The following ERCC8 variants were observed in gnomAD, a reference collection of about 807,000 sequenced individuals.
ERCC8 encodes DNA excision repair protein ERCC-8.
In ERCC8, 52 loss-of-function variants were observed where a neutral mutation model predicts 54.9. The ratio of observed to expected loss-of-function variants is 0.95; its 90% CI spans 0.76 to 1.19. The LOEUF is 1.19. Ranked by LOEUF, ERCC8 falls within the 50% of genes most tolerant of loss-of-function variation. The pLI is 0.00. For missense variants in ERCC8, 514 were observed against 466.1 expected (o/e 1.10, Z -0.95); for synonymous variants, 146 against 157.2 (o/e 0.93, Z 0.53).
chr5:60,934,024 C>T lies in ERCC8; in HGVS notation c.78-5065G>A, dbSNP rs184199414. Among the ~76,000 whole-genome samples the T allele has an allele frequency of 1.1e-3, 175 of 152,180 alleles. 1 individual carries two copies. Among genetic ancestry groups the T allele is most frequent in the African/African-American group, 3.9e-3 (161 of 41,526 alleles). ...GGCTGGTTCTATATTTTTGCACTTG[C>T]GAATTGTGCTGTTATAAACATGCAT... On this transcript the variant is annotated intron_variant, in intron 1 of 11. Coordinates refer to ENST00000676185, the MANE Select transcript of ERCC8 (RefSeq NM_000082.4).
intron 3 of ERCC8, among the ~76,000 whole-genome samples, chr5:60,918,941 T>C (rs1402453625): frequency 6.6e-6 from 1 of 151,994 alleles, no homozygotes; most frequent in Non-Finnish European, 1.5e-5. Context: ...TTGAAGACTC[T>C]ATGACGTCAG....
Position 60,922,061 on chromosome 5 carries a change from T to C in ERCC8, c.268A>G (p.Ile90Val). 3 of 1,601,104 alleles carry C rather than the reference T, an allele frequency of 1.9e-6. No homozygotes were observed. The highest frequency in any genetic ancestry group is 1.3e-5 in the African/African-American group (1 of 74,764). ...TACATTTTAAATACATACCTGCCAA[T>C]GGAACACACTGCTTTACATGTGTAA... Reference protein sequence around the residue: ...SYYTCKAVCSIGRDHPDVHRY... With the variant: ...SYYTCKAVCSVGRDHPDVHRY... Residue 90 changes from isoleucine (I) to valine (V), a missense_variant, in exon 3 of 12, where the codon ATT (isoleucine) becomes GTT (valine). Transcript: ENST00000676185.
chr5:60,911,843 T>G (rs1008470209), intron 4 of ERCC8, among the ~76,000 whole-genome samples: 1 of 152,184 alleles, frequency 6.6e-6, no homozygotes, highest in Non-Finnish European at 1.5e-5. Flanking sequence ...ATTTATTAAA[T>G]AGGGAATCCT....
chr5:60,884,517 G>C (rs1748337594), intron 11 of ERCC8, among the ~76,000 whole-genome samples: 1 of 113,354 alleles, frequency 8.8e-6, no homozygotes, highest in Admixed American at 1.0e-4. Context: ...GTATATGTGT[G>C]TATGTGTTTT....
intron 9 of ERCC8, among the ~76,000 whole-genome samples, chr5:60,895,139 C>A (rs1748687574): frequency 6.9e-6 from 1 of 144,244 alleles, no homozygotes; most frequent in Admixed American, 7.1e-5. Context: ...CACTGCCCTC[C>A]AGCCTGGGCA....
chr5:60,943,758 T>G (rs550927309), intron 1 of ERCC8, among the ~76,000 whole-genome samples: 1 of 152,210 alleles, frequency 6.6e-6, no homozygotes, highest in Admixed American at 6.5e-5. Context: ...ACTGCCGCCA[T>G]TTGAGACATT....
At chr5:60,926,929 T>C (rs1385933557) in intron 2 of ERCC8, among the ~76,000 whole-genome samples, 1 of 152,236 alleles carries the variant, frequency 6.6e-6, no homozygotes, top group East Asian at 1.9e-4. Flanking sequence ...CTGATTCCAT[T>C]AACTTTCTAT....
chr5:60,923,605 T>G (rs1749663629), intron 2 of ERCC8, among the ~76,000 whole-genome samples: 1 of 152,108 alleles, frequency 6.6e-6, no homozygotes, highest in Non-Finnish European at 1.5e-5. Flanking sequence ...TTTCAGGTTA[T>G]TTTCACTGTT....
intron 4 of ERCC8, among the ~76,000 whole-genome samples, chr5:60,914,805 A>C (rs1749380787): frequency 6.6e-6 from 1 of 151,432 alleles, no homozygotes; most frequent in African/African-American, 2.4e-5. Flanking sequence ...AAAAAAAAAA[A>C]AAAAGGATAT....
intron 4 of ERCC8, among the ~76,000 whole-genome samples, chr5:60,909,280 C>T (rs1749181233): frequency 2.6e-5 from 1 of 38,198 alleles, no homozygotes; most frequent in Non-Finnish European, 5.1e-5. Flanking sequence ...AAAAAAAAAG[C>T]CACAAAGGAC....
rs1254413135 is a variant in ERCC8 at position 60,885,039 on chromosome 5, A to ACAGG, written c.1122+2400_1122+2401insCCTG. Among the ~76,000 whole-genome samples, 1,287 of 151,792 alleles carry ACAGG rather than the reference A, an allele frequency of 8.5e-3. 24 individuals are homozygous for ACAGG. Among genetic ancestry groups the ACAGG allele is most frequent in the African/African-American group, 0.029 (1,217 of 41,292 alleles). ...CTTTTTTTTTTTCCTTTGAGTCAAG[A>ACAGG]TCTCACTCTGTCACCCAGGCTGGAG... On this transcript the variant is annotated intron_variant, in intron 11 of 11. Transcript: ENST00000676185.
At chr5:60,944,054 ACTTGCTTCTTCC>A in intron 1 of ERCC8, among the ~76,000 whole-genome samples, 1 of 152,296 alleles carries the variant, frequency 6.6e-6, no homozygotes, top group South Asian at 2.1e-4. Flanking sequence ...TAAAAGTACA[ACTTGCTTCTTCC>A]CTTTGGAAAA....
intron 2 of ERCC8, among the ~76,000 whole-genome samples, chr5:60,923,926 T>G (rs1323363791): frequency 6.6e-6 from 1 of 152,136 alleles, no homozygotes; most frequent in Non-Finnish European, 1.5e-5. Context: ...TTTATCGTAG[T>G]CACTGTCTTT....
intron 9 of ERCC8, chr5:60,893,335 A>C (rs1748623327): frequency 1.2e-6 from 1 of 855,904 alleles, no homozygotes; most frequent in African/African-American, 1.7e-5. Flanking sequence ...GGATATCCTC[A>C]CAGTAGCTCT....
chr5:60,881,972 G>T (rs796415108), intron 11 of ERCC8, among the ~76,000 whole-genome samples: 3 of 152,296 alleles, frequency 2.0e-5, no homozygotes, highest in African/African-American at 7.2e-5. Context: ...GCTGCAGACT[G>T]GAGCTGTTCC....
intron 10 of ERCC8, among the ~76,000 whole-genome samples, chr5:60,888,755 T>C (rs1002269251): frequency 6.6e-6 from 1 of 152,122 alleles, no homozygotes; most frequent in African/African-American, 2.4e-5. Flanking sequence ...CATATGAGAG[T>C]AAGTTGCCAA....
rs1747850150 is a variant in ERCC8 at position 60,870,917 on chromosome 5, T to A, written c.*3698A>T. ...GAAACTGTAAGTTTTTACTTTTTTC[T>A]TTTAAACCTCAGTTTACAAGCTTCC... On this transcript the variant is annotated 3_prime_UTR_variant, in exon 12 of 12. Coordinates refer to ENST00000676185, the MANE Select transcript of ERCC8 (RefSeq NM_000082.4). Among the ~76,000 whole-genome samples the A allele has an allele frequency of 6.6e-6, 1 of 152,156 alleles. No homozygotes were observed. The highest frequency in any genetic ancestry group is 2.4e-5 in the African/African-American group (1 of 41,448).
chr5:60,878,584 C>T (rs1180219208), intron 11 of ERCC8, among the ~76,000 whole-genome samples: 2 of 152,172 alleles, frequency 1.3e-5, no homozygotes, highest in Non-Finnish European at 2.9e-5. Context: ...TCAACTTCTT[C>T]CTCGTTTAGT....
chr5:60,898,383 C>T lies in ERCC8; in HGVS notation c.736G>A (p.Gly246Arg). ...GTAAAACATAAGCCATTAACTTTCC[C>T]ATTATGAGCAGTGTTTGCTGCAATG... is the stretch of plus-strand genomic sequence containing the variant. The part of the protein sequence containing the change: ...AVESANTAHN[G>R]KVNGLCFTSD... Residue 246 changes from glycine to arginine, a missense_variant, in exon 9 of 12, where the codon GGG becomes AGG. By Grantham distance (125) the Gly-to-Arg change is moderately radical. Transcript: ENST00000676185. 6.2e-7 allele frequency: 1 copy of T among 1,613,492 alleles called. No individual in the cohort carries two copies. Among genetic ancestry groups the T allele is most frequent in the East Asian group, 2.2e-5 (1 of 44,790 alleles).
Sources: allele counts gnomAD v4.1 joint callset (sites outside exome capture counted in the v4.1 genomes callset), GRCh38; gene constraint gnomAD v4.1.1; transcripts MANE v1.5; gene names NCBI Gene and HGNC (gene_info 2026-07-23, HGNC 2026-07-21).